PAK1: variants seen among roughly 807,000 people sequenced by gnomAD.
PAK1 encodes the protein serine/threonine-protein kinase PAK 1.
In PAK1, 29 loss-of-function variants were observed where a neutral mutation model predicts 67.4. That is an observed-to-expected ratio of 0.43 (90% CI 0.32 to 0.59). The LOEUF is 0.59. Among genes scored for constraint, PAK1 ranks in the 20% least tolerant of loss-of-function variants. The probability of loss-of-function intolerance (pLI) is 0.07; values close to 1 mark genes in which losing one functional copy is unlikely to be tolerated. For missense variants in PAK1, 337 were observed against 670.7 expected, an observed-to-expected ratio of 0.50 and a Z score of 5.50; for synonymous variants, 223 against 237.4, an observed-to-expected ratio of 0.94 and a Z score of 0.56.
the PAK1 span, among the ~76,000 whole-genome samples, chr11:77,493,166 G>A: frequency 2.0e-5 from 3 of 151,344 alleles, no homozygotes; most frequent in African/African-American, 7.3e-5. Context: ...GTCTCGCTCT[G>A]TTGCCCAGGT....
chr11:77,453,544 G>A (rs982721464), intron 1 of PAK1, among the ~76,000 whole-genome samples: 3 of 151,304 alleles, frequency 2.0e-5, no homozygotes, highest in Non-Finnish European at 2.9e-5. Flanking sequence ...GGGGGAAAAG[G>A]GCATGGTATT....
chr11:77,397,563 T>TA (rs1776871311), intron 1 of PAK1, among the ~76,000 whole-genome samples: 2 of 152,306 alleles, frequency 1.3e-5, no homozygotes, highest in African/African-American at 4.8e-5. Context: ...GGCATAAAGA[T>TA]ACAGTGCTAC....
intron 5 of PAK1, among the ~76,000 whole-genome samples, chr11:77,373,774 T>G (rs1206398289): frequency 6.6e-6 from 1 of 152,192 alleles, no homozygotes; most frequent in East Asian, 1.9e-4. Flanking sequence ...GTCAAAGCAT[T>G]CATTACAACT....
chr11:77,392,284 ATTTT>A, intron 2 of PAK1, 43 bp downstream of exon 2: 1 of 1,326,434 alleles, frequency 7.5e-7, no homozygotes, highest in Non-Finnish European at 1.0e-6. Flanking sequence ...ACCCAAAATA[ATTTT>A]TTTAAAGCAT....
chr11:77,328,561 G>A (rs1940630719), intron 14 of PAK1, among the ~76,000 whole-genome samples: 1 of 152,160 alleles, frequency 6.6e-6, no homozygotes, highest in Non-Finnish European at 1.5e-5. Flanking sequence ...AATGAAGGCA[G>A]AAATAAAGAT....
At chr11:77,358,067 A>G (rs1428084439) in intron 6 of PAK1, among the ~76,000 whole-genome samples, 1 of 152,134 alleles carries the variant, frequency 6.6e-6, no homozygotes, top group Non-Finnish European at 1.5e-5. Context: ...AATTCCTTTG[A>G]ATTTCCTCCA....
the PAK1 span, among the ~76,000 whole-genome samples, chr11:77,517,918 G>C: frequency 6.6e-6 from 1 of 152,240 alleles, no homozygotes; most frequent in East Asian, 1.9e-4. Context: ...TGCCATCTGA[G>C]AGGAGGCAGA....
intron 1 of PAK1, among the ~76,000 whole-genome samples, chr11:77,460,322 G>T (rs1358745909): frequency 3.0e-4 from 34 of 114,208 alleles, no homozygotes; most frequent in African/African-American, 9.1e-4. Flanking sequence ...TTTTTTGTTT[G>T]CTTTTTTTTT....
chr11:77,327,486 T>C (rs2136011654), intron 14 of PAK1, among the ~76,000 whole-genome samples: 1 of 152,282 alleles, frequency 6.6e-6, no homozygotes, highest in Non-Finnish European at 1.5e-5. Flanking sequence ...TATTCAACAT[T>C]CTTAAAGAAA....
At chr11:77,361,806 GA>G (rs1193418060) in intron 5 of PAK1, among the ~76,000 whole-genome samples, 1 of 152,028 alleles carries the variant, frequency 6.6e-6, no homozygotes, top group African/African-American at 2.4e-5. Context: ...ATTACTTCCT[GA>G]AATGTTGTAT....
chr11:77,349,456 G>A (rs1944926041), intron 8 of PAK1, 169 bp from the exon 9 acceptor site: 4 of 633,688 alleles, frequency 6.3e-6, no homozygotes, highest in Non-Finnish European at 1.1e-5. Context: ...ATAAGAGGTA[G>A]TACAGAGAAT....
chr11:77,479,157 A>G (rs1958091659), upstream of PAK1, among the ~76,000 whole-genome samples: 1 of 151,976 alleles, frequency 6.6e-6, no homozygotes, highest in South Asian at 2.1e-4. Flanking sequence ...TCCCAAACTC[A>G]GACCTACTTT....
At chr11:77,331,942 G>A (rs999287593) in intron 14 of PAK1, among the ~76,000 whole-genome samples, 5 of 151,990 alleles carry the variant, frequency 3.3e-5, no homozygotes, top group African/African-American at 9.7e-5. Context: ...TCAGAGACCC[G>A]TTTCTCAACA....
At position 77,327,158 on chromosome 11, in the gene PAK1, T is replaced by G. The variant is rs1003657267; in HGVS notation, c.1552-3798A>C. Among the ~76,000 whole-genome samples the G allele has an allele frequency of 2.6e-5, 4 of 152,186 alleles. No homozygotes were observed. The East Asian group carries it at 7.7e-4, about 29-fold the overall frequency. On this transcript the variant is annotated intron_variant, in intron 14 of 14. Transcript: ENST00000356341. ...GTGAAAAGGCCAAATCTACGTCTGA[T>G]TGGTATACCTGAAAGTGACGGGGAG...
the PAK1 span, among the ~76,000 whole-genome samples, chr11:77,504,142 CTCAGCCTT>C: frequency 6.6e-6 from 1 of 152,344 alleles, no homozygotes; most frequent in African/African-American, 2.4e-5. Flanking sequence ...ATCTGCCCGC[CTCAGCCTT>C]TCAAAGTGCT....
At chr11:77,407,032 A>G (rs902860165) in intron 1 of PAK1, among the ~76,000 whole-genome samples, 7 of 152,134 alleles carry the variant, frequency 4.6e-5, no homozygotes, top group African/African-American at 1.4e-4. Flanking sequence ...TGCCTACTAT[A>G]TAATTATTAT....
chr11:77,469,776 C>T (rs750918713), intron 1 of PAK1, among the ~76,000 whole-genome samples: 2 of 150,824 alleles, frequency 1.3e-5, no homozygotes, highest in Non-Finnish European at 3.0e-5. Flanking sequence ...TTTTTATTTT[C>T]AAGTTTGAAT....
chr11:77,354,978 TG>T (rs943825295), intron 7 of PAK1, among the ~76,000 whole-genome samples: 1 of 152,108 alleles, frequency 6.6e-6, no homozygotes, highest in Non-Finnish European at 1.5e-5. Context: ...GAAAGTAAAA[TG>T]GAAGTTTCCA....
intron 5 of PAK1, among the ~76,000 whole-genome samples, chr11:77,370,895 TCCAAGCTCTCTGG>T (rs1157356274): frequency 6.6e-6 from 1 of 152,204 alleles, no homozygotes; most frequent in Non-Finnish European, 1.5e-5. Flanking sequence ...CAGCACAAAG[TCCAAGCTCTCTGG>T]CCTAACATAC....
Sources: allele counts gnomAD v4.1 joint callset (sites outside exome capture counted in the v4.1 genomes callset), GRCh38; gene constraint gnomAD v4.1.1; transcripts MANE v1.5; gene names NCBI Gene and HGNC (gene_info 2026-07-23, HGNC 2026-07-21).